Variants in F5 observed in about 807,000 individuals in gnomAD.
The protein encoded by F5 is activated protein c cofactor.
Under a neutral mutation model 216.4 loss-of-function variants are expected in F5, and 138 were observed. That is an observed-to-expected ratio of 0.64 (90% CI 0.56 to 0.73). F5 has a LOEUF of 0.73. F5 is among the 30% of genes least tolerant of loss of function. The probability of loss-of-function intolerance (pLI) is 0.00; values close to 1 mark genes in which losing one functional copy is unlikely to be tolerated. For missense variants in F5, 2,403 were observed against 2,674.0 expected, an observed-to-expected ratio of 0.90 and a Z score of 2.24; for synonymous variants, 916 against 930.7, an observed-to-expected ratio of 0.98 and a Z score of 0.29.
intron 10 of F5, among the ~76,000 whole-genome samples, chr1:169,548,482 T>C (rs1389245851): frequency 6.6e-6 from 1 of 152,194 alleles, no homozygotes; most frequent in Non-Finnish European, 1.5e-5. Context: ...AATTCAGGCA[T>C]TTATGAGAGT....
At chr1:169,572,693 G>A (rs1262672094) in intron 2 of F5, among the ~76,000 whole-genome samples, 3 of 152,192 alleles carry the variant, frequency 2.0e-5, no homozygotes, top group East Asian at 1.9e-4. Context: ...AGAGGGTGAT[G>A]CGAGAGGGTA....
At chr1:169,577,372 A>C (rs1396372497) in intron 2 of F5, among the ~76,000 whole-genome samples, 3 of 151,288 alleles carry the variant, frequency 2.0e-5, no homozygotes, top group African/African-American at 7.3e-5. Flanking sequence ...CAATTTAATT[A>C]ATTATTTATT....
rs776258266 is a variant in F5, at chr1:169,536,728, C to T, written c.4797-48G>A. 3 of 1,493,474 alleles carry T rather than the reference C, an allele frequency of 2.0e-6. No individual in the cohort carries two copies. The South Asian group carries it at 3.4e-5, about 17-fold the overall frequency. The allele number at this position is 1,493,474 out of a possible 1,614,324, so 92.5% of individuals were successfully genotyped here. On this transcript the variant is annotated intron_variant, in intron 13 of 24. Transcript: ENST00000367797. ...GTAAAAGAAGAAATTAAAGACTGTTCCCAGAATTTAGGAAATTGTCTCTTT... is the reference window on the plus strand; with the variant it reads ...GTAAAAGAAGAAATTAAAGACTGTTTCCAGAATTTAGGAAATTGTCTCTTT...
At chr1:169,576,169 C>T (rs1660843557) in intron 2 of F5, among the ~76,000 whole-genome samples, 1 of 152,158 alleles carries the variant, frequency 6.6e-6, no homozygotes, top group South Asian at 2.1e-4. Context: ...CCATTTTGGA[C>T]TTCTCATCTG....
chr1:169,521,012 T>TA (rs952466479), intron 21 of F5, among the ~76,000 whole-genome samples: 32 of 152,108 alleles, frequency 2.1e-4, no homozygotes, highest in African/African-American at 7.2e-4. Flanking sequence ...ATCCCAGACT[T>TA]AGAGATGAAG....
At chr1:169,520,359 A>T (rs1349659123) in intron 22 of F5, among the ~76,000 whole-genome samples, 161 bp downstream of exon 22, 1 of 152,182 alleles carries the variant, frequency 6.6e-6, no homozygotes, top group African/African-American at 2.4e-5. Flanking sequence ...CTTGGTCTAG[A>T]TCACACTGAG....
chr1:169,558,050 TG>T (rs1660372762), intron 5 of F5, among the ~76,000 whole-genome samples: 1 of 152,190 alleles, frequency 6.6e-6, no homozygotes, highest in Admixed American at 6.5e-5. Context: ...TTTTTATTTT[TG>T]TGCATATGGT....
chr1:169,557,404 T>C (rs1660357753), intron 5 of F5, among the ~76,000 whole-genome samples: 2 of 152,128 alleles, frequency 1.3e-5, no homozygotes, highest in South Asian at 2.1e-4. Context: ...GATGTGAAGA[T>C]GATATGAGGA....
chr1:169,514,582 G>T, intron 24 of F5, 123 bp from the exon 25 acceptor site: 3 of 784,134 alleles, frequency 3.8e-6, no homozygotes, highest in Admixed American at 2.2e-5. Context: ...GCACAGTCAT[G>T]GCTCACTGCA....
chr1:169,559,115 T>C, intron 5 of F5, 38 bp downstream of exon 5: 1 of 1,612,634 alleles, frequency 6.2e-7, no homozygotes, highest in Non-Finnish European at 8.5e-7. Context: ...TTACTAATGA[T>C]TTTACTGTTG....
chr1:169,527,828 T>A lies in F5; in HGVS notation c.5599+87A>T, dbSNP rs190324718. 9 of 1,524,974 alleles carry A rather than the reference T, an allele frequency of 5.9e-6. No homozygotes were observed. In the East Asian group the frequency reaches 2.1e-4, roughly 35 times the overall value. 94.5% of individuals were successfully genotyped at this position (1,524,974 alleles called of 1,614,324 possible). ...GTGTTCTGACCCCTTAGGAAGTATA[T>A]GCACAAGGAAGAAATGAGAAGGAGT... On this transcript the variant is annotated intron_variant, in intron 17 of 24. Coordinates refer to ENST00000367797, the MANE Select transcript of F5 (RefSeq NM_000130.5).
chr1:169,560,630 G>T lies in F5; in HGVS notation c.510C>A (p.His170Gln). ...TCAGATTTTCATGGGAGTAATAGAT[G>T]TGTGTGAGGCATGGAGGGTCATCAT... ...PTHDDPPCLT[H>Q]IYYSHENLIE... Residue 170 changes from histidine to glutamine, a missense_variant, in exon 4 of 25, where the codon CAC becomes CAA. His to Gln is a conservative substitution (Grantham distance 24, BLOSUM62 0). Coordinates refer to ENST00000367797, the MANE Select transcript of F5 (RefSeq NM_000130.5). 6.2e-7 allele frequency: 1 copy of T among 1,613,802 alleles called. No individual in the cohort carries two copies. Among genetic ancestry groups the T allele is most frequent in the Non-Finnish European group, 8.5e-7 (1 of 1,179,810 alleles).
chr1:169,569,370 C>A (rs1250315410), intron 3 of F5, among the ~76,000 whole-genome samples: 1 of 152,006 alleles, frequency 6.6e-6, no homozygotes. Context: ...AATTTTGTGA[C>A]ATCACATTCA....
chr1:169,537,313 A>C (rs1047743106), intron 13 of F5, among the ~76,000 whole-genome samples: 1 of 152,218 alleles, frequency 6.6e-6, no homozygotes. Context: ...TTAGAAGGTC[A>C]CACTTATGAA....
In F5 at chr1:169,544,499, C is replaced by A. The variant is rs369354157; in HGVS notation, c.1772G>T (p.Gly591Val). Residue 591 changes from glycine to valine, a missense_variant, in exon 12 of 25, where the codon GGC (glycine) becomes GTC (valine). By Grantham distance (109) the Gly-to-Val change is moderately radical (BLOSUM62 -3). Around this residue, in one of 4 missense-constraint regions of F5, gnomAD observed 1,425 missense variants for 1,554.8 expected, o/e 0.92. Transcript: ENST00000367797. ...AGTAGTTATGCTCTCAGGCACATAG[C>A]CATTGATAGCTGAAAGTGTAAAATC... ...YESNIMSTIN[G>V]YVPESITTLG... 3.1e-6 allele frequency: 5 copies of A among 1,613,756 alleles called. No homozygotes were observed. Among genetic ancestry groups the A allele is most frequent in the Non-Finnish European group, 4.2e-6 (5 of 1,179,810 alleles).
chr1:169,531,040 C>A lies in F5; in HGVS notation c.4972-18G>T, dbSNP rs774456730. 2 of 1,575,316 alleles carry A rather than the reference C, an allele frequency of 1.3e-6. No individual in the cohort carries two copies. Among genetic ancestry groups the A allele is most frequent in the East Asian group, 4.5e-5 (2 of 44,654 alleles). On this transcript the variant is annotated intron_variant, in intron 14 of 24. Transcript: ENST00000367797. ...AAACGAACCTAGGAAAAGGAATGAT[C>A]CACAAATGTACTTAAGCTTAACAAA... is the stretch of plus-strand genomic sequence containing the variant.
At position 169,544,515 on chromosome 1, in the gene F5, G is replaced by C. The variant is rs1336613933; in HGVS notation, c.1763-7C>G. 6.2e-7 allele frequency: 1 copy of C among 1,612,750 alleles called. No homozygotes were observed. Among genetic ancestry groups the C allele is most frequent in the Non-Finnish European group, 8.5e-7 (1 of 1,179,068 alleles). Reference sequence around the variant, plus strand: ...GGCACATAGCCATTGATAGCTGAAAGTGTAAAATCTGTTAAAATTCCAAGT... The same window carrying C: ...GGCACATAGCCATTGATAGCTGAAACTGTAAAATCTGTTAAAATTCCAAGT... On this transcript the variant is annotated splice_region_variant and splice_polypyrimidine_tract_variant and intron_variant, in intron 11 of 24. Coordinates refer to ENST00000367797, the MANE Select transcript of F5 (RefSeq NM_000130.5).
At chr1:169,560,867 G>T in intron 3 of F5, 101 bp from the exon 4 acceptor site, 1 of 955,892 alleles carries the variant, frequency 1.0e-6, no homozygotes, top group Non-Finnish European at 1.7e-6. Context: ...CTCTGGAGAT[G>T]CATATGTCCT....
chr1:169,529,078 C>T (rs1226565121), intron 16 of F5, among the ~76,000 whole-genome samples: 6 of 152,286 alleles, frequency 3.9e-5, no homozygotes, highest in African/African-American at 1.4e-4. Flanking sequence ...AGTGTGACCA[C>T]CCAAATGCTC....
Sources: allele counts gnomAD v4.1 joint callset (sites outside exome capture counted in the v4.1 genomes callset), GRCh38; gene constraint gnomAD v4.1.1; regional missense constraint gnomAD v4.1.1; transcripts MANE v1.5; gene names NCBI Gene and HGNC (gene_info 2026-07-23, HGNC 2026-07-21).